Variants in ANP32B observed in about 807,000 individuals in gnomAD.
ANP32B encodes acidic leucine-rich nuclear phosphoprotein 32 family member B.
In ANP32B, 6 loss-of-function variants were observed where a neutral mutation model predicts 32.2. The observed-to-expected ratio is 0.19, with a 90% CI of 0.10 to 0.37. The LOEUF is 0.37. ANP32B is among the 10% of genes least tolerant of loss of function. The pLI, the probability that ANP32B is intolerant of heterozygous loss-of-function variation, is 1.00. For synonymous variants in ANP32B, 98 were observed against 105.8 expected (o/e 0.93, Z 0.45); for missense variants, 204 against 289.2 (o/e 0.71, Z 2.14).
chr9:98,014,772 G>A (rs1828246525), intron 6 of ANP32B, among the ~76,000 whole-genome samples: 1 of 152,110 alleles, frequency 6.6e-6, no homozygotes, highest in African/African-American at 2.4e-5. Context: ...TGTTTTTTTG[G>A]AGACAGTTTC....
At chr9:97,994,603 C>T in intron 1 of ANP32B, 28 bp from the exon 2 acceptor site, 1 of 1,546,584 alleles carries the variant, frequency 6.5e-7, no homozygotes, top group Non-Finnish European at 8.7e-7. Context: ...TTTTTGAGAG[C>T]TTATCCTTTT....
chr9:98,015,902 T>C lies in ANP32B; in HGVS notation c.*471T>C. 2.0e-6 allele frequency: 2 copies of C among 979,064 alleles called. No homozygotes were observed. Among genetic ancestry groups the C allele is most frequent in the Non-Finnish European group, 2.4e-6 (2 of 823,726 alleles). 60.6% of individuals were successfully genotyped at this position (979,064 alleles called of 1,614,324 possible). On this transcript the variant is annotated 3_prime_UTR_variant, in exon 7 of 7. Coordinates refer to ENST00000339399, the MANE Select transcript of ANP32B (RefSeq NM_006401.3). ...TATGTGACAACTGCCAAAAAAGTAT[T>C]TTTAAGAATTTAAGCGAAATAAACA...
chr9:97,996,446 T>C (rs1422563992), intron 2 of ANP32B, among the ~76,000 whole-genome samples: 1 of 152,182 alleles, frequency 6.6e-6, no homozygotes, highest in Non-Finnish European at 1.5e-5. Flanking sequence ...GCACGTTAAG[T>C]ACACAAATTA....
intron 3 of ANP32B, among the ~76,000 whole-genome samples, chr9:98,000,602 T>C (rs1451358282): frequency 6.6e-6 from 1 of 152,074 alleles, no homozygotes; most frequent in Non-Finnish European, 1.5e-5. Flanking sequence ...AGATAATTGC[T>C]CAGGAGAAAT....
chr9:98,006,510 A>AG (rs1465330328), intron 4 of ANP32B, among the ~76,000 whole-genome samples: 5 of 152,230 alleles, frequency 3.3e-5, no homozygotes, highest in Non-Finnish European at 7.3e-5. Flanking sequence ...TTCTTTGAGA[A>AG]GGGGGAAAGA....
chr9:97,994,327 A>G (rs527253843), intron 1 of ANP32B, among the ~76,000 whole-genome samples: 6 of 152,358 alleles, frequency 3.9e-5, no homozygotes, highest in African/African-American at 1.4e-4. Context: ...AGGCTGGAGA[A>G]AAGAAATAAG....
chr9:98,015,819 G>T lies in ANP32B; in HGVS notation c.*388G>T. 1 of 979,750 alleles carries T rather than the reference G, an allele frequency of 1.0e-6. No homozygotes were observed. Among genetic ancestry groups the T allele is most frequent in the Non-Finnish European group, 1.2e-6 (1 of 824,466 alleles). 60.7% of individuals were successfully genotyped at this position (979,750 alleles called of 1,614,324 possible). ...AATAAAATCTTAACATTTTGGGTCT[G>T]TTTTTTCATGCTTTGCTTTTTAATT... On this transcript the variant is annotated 3_prime_UTR_variant, in exon 7 of 7. Coordinates refer to ENST00000339399, the MANE Select transcript of ANP32B (RefSeq NM_006401.3).
intron 2 of ANP32B, among the ~76,000 whole-genome samples, 156 bp from the exon 3 acceptor site, chr9:97,998,400 G>T: frequency 6.6e-6 from 1 of 152,114 alleles, no homozygotes; most frequent in South Asian, 2.1e-4. Flanking sequence ...TAATTATTTG[G>T]ATTTAAACAA....
At chr9:98,007,454 T>C (rs1199413508) in intron 4 of ANP32B, among the ~76,000 whole-genome samples, 2 of 152,254 alleles carry the variant, frequency 1.3e-5, no homozygotes, top group Non-Finnish European at 2.9e-5. Flanking sequence ...AGTCTGCCGA[T>C]GTTGACAACA....
At chr9:97,995,241 C>T (rs563266024) in intron 2 of ANP32B, among the ~76,000 whole-genome samples, 1 of 152,286 alleles carries the variant, frequency 6.6e-6, no homozygotes, top group East Asian at 1.9e-4. Flanking sequence ...AACTTTGCTC[C>T]TCTAACCCAA....
intron 1 of ANP32B, among the ~76,000 whole-genome samples, chr9:97,983,848 C>CT (rs901957124): frequency 6.6e-6 from 1 of 151,952 alleles, no homozygotes; most frequent in African/African-American, 2.4e-5. Context: ...GGAAAGCAAA[C>CT]TTTGAGCGCT....
At chr9:97,991,315 A>T (rs866778263) in intron 1 of ANP32B, among the ~76,000 whole-genome samples, 7 of 151,786 alleles carry the variant, frequency 4.6e-5, no homozygotes, top group African/African-American at 1.7e-4. Flanking sequence ...GGGTCTCCCT[A>T]TGTTGCCCAG....
intron 1 of ANP32B, among the ~76,000 whole-genome samples, chr9:97,991,033 G>C (rs1827817137): frequency 6.6e-6 from 1 of 151,560 alleles, no homozygotes. Context: ...GGTTGGCCAG[G>C]CTGGTCTCAA....
At chr9:97,998,141 A>T (rs181567496) in intron 2 of ANP32B, among the ~76,000 whole-genome samples, 13 of 152,342 alleles carry the variant, frequency 8.5e-5, no homozygotes, top group Admixed American at 8.5e-4. Context: ...TCCAGAAATT[A>T]GGTTTCAAGT....
chr9:98,005,683 C>G (rs1219386063), intron 4 of ANP32B, among the ~76,000 whole-genome samples: 2 of 152,180 alleles, frequency 1.3e-5, no homozygotes, highest in African/African-American at 4.8e-5. Context: ...TCAGCCTCCC[C>G]AAGTGGTGGG....
intron 1 of ANP32B, among the ~76,000 whole-genome samples, 168 bp from the exon 2 acceptor site, chr9:97,994,463 G>C (rs893848274): frequency 1.3e-5 from 2 of 152,232 alleles, no homozygotes; most frequent in African/African-American, 4.8e-5. Context: ...TATTGTTACT[G>C]AAGGCTTAAT....
chr9:98,013,759 C>T (rs1395753680), intron 6 of ANP32B, among the ~76,000 whole-genome samples: 5 of 151,706 alleles, frequency 3.3e-5, no homozygotes, highest in Non-Finnish European at 4.4e-5. Context: ...ATTAGTCAGG[C>T]GTGGTGGCAC....
At chr9:98,014,280 C>T (rs1241157345) in intron 6 of ANP32B, among the ~76,000 whole-genome samples, 2 of 151,798 alleles carry the variant, frequency 1.3e-5, no homozygotes, top group Non-Finnish European at 2.9e-5. Context: ...TGGTGGCAGG[C>T]GCCTGTAGTC....
At chr9:98,002,513 T>C (rs1033673523) in intron 3 of ANP32B, 1 of 152,230 alleles carries the variant, frequency 6.6e-6, no homozygotes, top group Non-Finnish European at 1.5e-5. Context: ...TACATTGGGA[T>C]CCTGAATAAT....
Sources: allele counts gnomAD v4.1 joint callset (sites outside exome capture counted in the v4.1 genomes callset), GRCh38; gene constraint gnomAD v4.1.1; transcripts MANE v1.5; gene names NCBI Gene and HGNC (gene_info 2026-07-23, HGNC 2026-07-21).